Variants in CDH22 observed in about 807,000 individuals in gnomAD.
The protein encoded by CDH22 is cadherin-22.
CDH22 carries 30 observed loss-of-function variants against 58.4 expected under a neutral mutation model. The ratio of observed to expected loss-of-function variants is 0.51; its 90% CI spans 0.38 to 0.70. CDH22 has a LOEUF of 0.70. Among genes scored for constraint, CDH22 ranks in the 30% least tolerant of loss-of-function variants. CDH22 has a pLI of 0.00. For synonymous variants in CDH22, 513 were observed against 558.2 expected (o/e 0.92, Z 1.14); for missense variants, 1,014 against 1,233.9 (o/e 0.82, Z 2.67).
chr20:46,302,909 C>T (rs1182619167), intron 1 of CDH22, among the ~76,000 whole-genome samples: 3 of 152,196 alleles, frequency 2.0e-5, no homozygotes, highest in Non-Finnish European at 4.4e-5. Flanking sequence ...TTAGCCCTGT[C>T]CATTCCACTC....
rs145693647 is a variant in CDH22, at chr20:46,301,669, G to A, written c.-400+6586C>T. Among the ~76,000 whole-genome samples the A allele has an allele frequency of 3.2e-3, 494 of 152,064 alleles. 3 individuals are homozygous for A. Among genetic ancestry groups the A allele is most frequent in the African/African-American group, 0.011 (472 of 41,474 alleles). On this transcript the variant is annotated intron_variant, in intron 1 of 11. Coordinates refer to ENST00000537909, the MANE Select transcript of CDH22 (RefSeq NM_021248.3). ...CTACTAAAAATACAAAAATTGGCCG[G>A]GTGTTGTGGTGGGCACCTGTAATCC...
At chr20:46,243,956 C>T (rs1291813591) in intron 2 of CDH22, among the ~76,000 whole-genome samples, 1 of 152,310 alleles carries the variant, frequency 6.6e-6, no homozygotes, top group East Asian at 1.9e-4. Context: ...GCTTCTGACT[C>T]TACCACTCAC....
At chr20:46,288,030 C>T (rs1473888582) in intron 1 of CDH22, among the ~76,000 whole-genome samples, 1 of 152,274 alleles carries the variant, frequency 6.6e-6, no homozygotes, top group East Asian at 1.9e-4. Flanking sequence ...TCGGTAAGAC[C>T]TTGAGGTGGC....
At chr20:46,212,531 T>C (rs541612334) in intron 6 of CDH22, among the ~76,000 whole-genome samples, 1 of 152,346 alleles carries the variant, frequency 6.6e-6, no homozygotes, top group Non-Finnish European at 1.5e-5. Context: ...GAAAGAGCTT[T>C]GGAGTCACTA....
rs928544662 is a variant in CDH22 at position 46,199,686 on chromosome 20, C to T, written c.1287-127G>A. The T allele has an allele frequency of 5.9e-6, 7 of 1,181,516 alleles. No individual in the cohort carries two copies. The African/African-American group carries it at 1.1e-4, about 18-fold the overall frequency. The allele number at this position is 1,181,516 out of a possible 1,614,324, so 73.2% of individuals were successfully genotyped here. ...GGACACACACAAGGGGCAGAGAAAC[C>T]CCTTGCGACCGAGGAGGAGCGGGAA... On this transcript the variant is annotated intron_variant, in intron 7 of 11. Transcript: ENST00000537909.
chr20:46,252,958 G>C (rs944528741), intron 1 of CDH22, among the ~76,000 whole-genome samples: 2 of 152,208 alleles, frequency 1.3e-5, no homozygotes, highest in Non-Finnish European at 2.9e-5. Flanking sequence ...TGGGAAGAAA[G>C]GGATGGGCAT....
At chr20:46,258,662 C>T (rs1370843550) in intron 1 of CDH22, among the ~76,000 whole-genome samples, 2 of 152,218 alleles carry the variant, frequency 1.3e-5, no homozygotes, top group Admixed American at 6.5e-5. Context: ...GCAGCCCCAA[C>T]CCTGGGTGTG....
intron 1 of CDH22, among the ~76,000 whole-genome samples, chr20:46,263,427 T>TGCGC (rs1053265286): frequency 1.6e-5 from 2 of 128,758 alleles, no homozygotes; most frequent in African/African-American, 2.9e-5. Context: ...TGTGTGTGTG[T>TGCGC]GCGTGTGTGT....
chr20:46,251,018 T>C lies in CDH22; in HGVS notation c.255+22A>G. The C allele has an allele frequency of 6.8e-7, 1 of 1,479,972 alleles. No individual in the cohort carries two copies. The highest frequency in any genetic ancestry group is 2.3e-5 in the East Asian group (1 of 42,668). 91.7% of individuals were successfully genotyped at this position (1,479,972 alleles called of 1,614,324 possible). On this transcript the variant is annotated intron_variant, in intron 2 of 11. Coordinates refer to ENST00000537909, the MANE Select transcript of CDH22 (RefSeq NM_021248.3). This position sits in a 1 kb window ranked among gnomAD's most constrained non-coding sequence, Gnocchi z 6.7. ...GTCCCCAGGGTCCTGGGATCTGGAG[T>C]TGGAGTGGGGCCCCACTTTACCTTG...
chr20:46,246,143 G>A lies in CDH22; in HGVS notation c.256-4886C>T, dbSNP rs150296730. 3.2e-4 allele frequency among the ~76,000 whole-genome samples: 49 copies of A among 152,290 alleles called. 1 individual carries two copies. The East Asian group carries it at 9.3e-3, about 29-fold the overall frequency. ...TAAATCAAAATTAAATGTGAGCATA[G>A]GTACGTTTTCCTTATTAAAGACAAT... On this transcript the variant is annotated intron_variant, in intron 2 of 11. Coordinates refer to ENST00000537909, the MANE Select transcript of CDH22 (RefSeq NM_021248.3).
At chr20:46,306,074 G>A (rs1407985903) in intron 1 of CDH22, among the ~76,000 whole-genome samples, 2 of 152,210 alleles carry the variant, frequency 1.3e-5, no homozygotes, top group African/African-American at 4.8e-5. Flanking sequence ...TCTGCTACTC[G>A]GCGTCTCTGC....
Position 46,210,154 on chromosome 20 carries a change from A to C in CDH22, c.1286+153T>G, listed in dbSNP as rs1600698040. On this transcript the variant is annotated intron_variant, in intron 7 of 11. Coordinates refer to ENST00000537909, the MANE Select transcript of CDH22 (RefSeq NM_021248.3). The surrounding 1 kb of genome is among the most constrained non-coding windows in gnomAD (Gnocchi z 4.5). ...TTTGGCTCCGTGCCTGTTTCTCTCC[A>C]CCCGTGCGCCTCTCTCCGCGCCTCC... The C allele has an allele frequency of 4.1e-6, 3 of 724,726 alleles. No homozygotes were observed. Among genetic ancestry groups the C allele is most frequent in the Non-Finnish European group, 6.0e-6 (3 of 497,494 alleles). The allele number at this position is 724,726 out of a possible 1,614,324, so 44.9% of individuals were successfully genotyped here. A position where few individuals can be genotyped will look rare whatever the true frequency, so the allele number is the denominator to read the frequency against.
chr20:46,203,995 C>T (rs190439098), intron 7 of CDH22, among the ~76,000 whole-genome samples: 1 of 152,156 alleles, frequency 6.6e-6, no homozygotes, highest in East Asian at 1.9e-4. Context: ...GGGAATGGTG[C>T]TTAGGGGTGC....
chr20:46,307,746 G>A (rs923124980), intron 1 of CDH22, among the ~76,000 whole-genome samples: 1 of 152,110 alleles, frequency 6.6e-6, no homozygotes, highest in East Asian at 2.0e-4. Context: ...GCGCGCACAC[G>A]CTCGCGCCGT....
rs937256119 is a variant in CDH22 at position 46,199,691 on chromosome 20, G to A, written c.1287-132C>T. 2.6e-6 allele frequency: 3 copies of A among 1,148,436 alleles called. No homozygotes were observed. The African/African-American group carries it at 4.7e-5, about 18-fold the overall frequency. The allele number at this position is 1,148,436 out of a possible 1,614,324, so 71.1% of individuals were successfully genotyped here. On this transcript the variant is annotated intron_variant, in intron 7 of 11. Transcript: ENST00000537909. ...CACACAAGGGGCAGAGAAACCCCTT[G>A]CGACCGAGGAGGAGCGGGAAGCAAC...
At chr20:46,234,582 G>A (rs1433754777) in intron 3 of CDH22, among the ~76,000 whole-genome samples, 1 of 152,222 alleles carries the variant, frequency 6.6e-6, no homozygotes, top group African/African-American at 2.4e-5. Context: ...GCTGCTCACA[G>A]AGGAATTGAA....
At position 46,213,196 on chromosome 20, in the gene CDH22, G is replaced by A; in HGVS notation, c.839-8C>T. On this transcript the variant is annotated splice_region_variant and splice_polypyrimidine_tract_variant and intron_variant, in intron 5 of 11. Coordinates refer to ENST00000537909, the MANE Select transcript of CDH22 (RefSeq NM_021248.3). ...TGCTGAACTGGTACATCTCTGTGGGGGACACGGCCATGAGCAGGGATGAAG... is the reference window on the plus strand; with the variant it reads ...TGCTGAACTGGTACATCTCTGTGGGAGACACGGCCATGAGCAGGGATGAAG... The A allele has an allele frequency of 6.2e-7, 1 of 1,613,654 alleles. No individual in the cohort carries two copies. Among genetic ancestry groups the A allele is most frequent in the Non-Finnish European group, 8.5e-7 (1 of 1,179,734 alleles).
At chr20:46,184,342 G>A (rs574848588) in intron 10 of CDH22, among the ~76,000 whole-genome samples, 126 of 152,120 alleles carry the variant, frequency 8.3e-4, no homozygotes, top group African/African-American at 3.0e-3. Flanking sequence ...CAACTAATCC[G>A]CCCACTTCAG....
At chr20:46,242,986 T>C (rs573212527) in intron 2 of CDH22, among the ~76,000 whole-genome samples, 1 of 152,292 alleles carries the variant, frequency 6.6e-6, no homozygotes, top group South Asian at 2.1e-4. Context: ...TAAGTCCTTA[T>C]CTTCCAATGC....
Sources: gnomAD v4.1 joint callset for allele counts (sites outside exome capture counted in the v4.1 genomes callset) on GRCh38, gnomAD v4.1.1 for gene constraint, Gnocchi (gnomAD v3.1) non-coding constraint, MANE v1.5 for transcripts, NCBI Gene and HGNC (gene_info 2026-07-23, HGNC 2026-07-21) for gene names.